Variants in PATJ observed in about 807,000 individuals in gnomAD.
The protein encoded by PATJ is inaD-like protein.
A neutral mutation model predicts 224.9 loss-of-function variants in PATJ; 190 were observed. That is an observed-to-expected ratio of 0.84 (90% CI 0.75 to 0.95). The LOEUF (loss-of-function observed/expected upper bound fraction) is 0.95, where lower values mean the gene tolerates loss of function less well. Ranked by LOEUF, PATJ falls within the 40% of genes least tolerant of loss-of-function variation. The pLI is 0.00. For synonymous variants in PATJ, 769 were observed against 820.3 expected, an observed-to-expected ratio of 0.94 and a Z score of 1.07; for missense variants, 2,121 against 2,270.3, an observed-to-expected ratio of 0.93 and a Z score of 1.34.
At chr1:61,968,803 T>C (rs1016780922) in intron 27 of PATJ, among the ~76,000 whole-genome samples, 16 of 152,056 alleles carry the variant, frequency 1.1e-4, no homozygotes, top group African/African-American at 3.9e-4. Flanking sequence ...AGTGAGAACA[T>C]GCAATGCCCA....
At chr1:61,877,903 T>C (rs1667558429) in intron 21 of PATJ, among the ~76,000 whole-genome samples, 1 of 152,170 alleles carries the variant, frequency 6.6e-6, no homozygotes, top group African/African-American at 2.4e-5. Context: ...CAGGACTCAA[T>C]CTTTTTCATG....
In PATJ at chr1:61,747,264, G is replaced by C. The variant is rs543259990; in HGVS notation, c.-36+4709G>C. Among the ~76,000 whole-genome samples the C allele has an allele frequency of 4.6e-5, 7 of 152,216 alleles. No homozygotes were observed. In the East Asian group the frequency reaches 1.2e-3, roughly 25 times the overall value. ...CTTATTTTAGGTTCCGGTGCAAATG[G>C]GGAGAAATTTAGTGCCTGTCAATAC... On this transcript the variant is annotated intron_variant, in intron 1 of 43. Transcript: ENST00000642238.
chr1:61,784,871 A>AT (rs920551319), intron 7 of PATJ, among the ~76,000 whole-genome samples: 9 of 152,278 alleles, frequency 5.9e-5, no homozygotes, highest in Admixed American at 5.2e-4. Flanking sequence ...TTTCATAACA[A>AT]TGTCCTCCTT....
intron 1 of PATJ, among the ~76,000 whole-genome samples, chr1:61,754,520 GTTT>G (rs548557219): frequency 0.012 from 1,152 of 94,432 alleles, 9 homozygotes; most frequent in Admixed American, 0.04. Context: ...TTTTTTGCAT[GTTT>G]TTTTTTTTTT....
At chr1:62,040,177 C>T (rs924312269) in intron 30 of PATJ, among the ~76,000 whole-genome samples, 2 of 149,272 alleles carry the variant, frequency 1.3e-5, no homozygotes, top group Non-Finnish European at 3.0e-5. Flanking sequence ...GGTGTGATCT[C>T]GGCTCTCTGC....
At chr1:61,954,601 T>C (rs1479384583) in intron 27 of PATJ, among the ~76,000 whole-genome samples, 1 of 152,212 alleles carries the variant, frequency 6.6e-6, no homozygotes, top group Admixed American at 6.5e-5. Flanking sequence ...AGTTACTTTC[T>C]TGCAGAGACT....
At chr1:61,991,473 C>T (rs1645061543) in intron 28 of PATJ, 2 of 984,766 alleles carry the variant, frequency 2.0e-6, no homozygotes, top group South Asian at 4.7e-5. Flanking sequence ...TTTACGATTT[C>T]CTCCTCAGAC....
intron 17 of PATJ, among the ~76,000 whole-genome samples, chr1:61,839,288 TA>T (rs1660705452): frequency 6.6e-6 from 1 of 152,134 alleles, no homozygotes; most frequent in South Asian, 2.1e-4. Context: ...TTTCATATCT[TA>T]AAAACTAAGC....
chr1:62,074,021 A>G (rs1356960262), intron 31 of PATJ, among the ~76,000 whole-genome samples: 3 of 151,830 alleles, frequency 2.0e-5, no homozygotes, highest in Admixed American at 2.0e-4. Flanking sequence ...CCAGATTTTC[A>G]TATCTGTGTA....
intron 33 of PATJ, among the ~76,000 whole-genome samples, chr1:62,102,171 C>A (rs1371897476): frequency 2.0e-5 from 3 of 147,772 alleles, no homozygotes; most frequent in African/African-American, 7.8e-5. Flanking sequence ...AAAGCGAGAC[C>A]CTGTCTCAAA....
rs557464862 is a variant in PATJ at position 62,161,331 on chromosome 1, C to CTTTTTTTTTTT, written c.*292_*302dup. 1 of 92,682 alleles carries CTTTTTTTTTTT rather than the reference C, an allele frequency of 1.1e-5. No homozygotes were observed. The highest frequency in any genetic ancestry group is 4.1e-5 in the African/African-American group (1 of 24,524). 5.7% of individuals were successfully genotyped at this position (92,682 alleles called of 1,614,324 possible). ...GCATTTAATTTCAGTGTTCCGATTT[C>CTTTTTTTTTTT]TTTTTTTTTTTTTTTTTTTTTTTTT... On this transcript the variant is annotated 3_prime_UTR_variant, in exon 44 of 44. Transcript: ENST00000642238.
At chr1:61,979,523 T>G (rs745379748) in intron 27 of PATJ, among the ~76,000 whole-genome samples, 28 of 151,918 alleles carry the variant, frequency 1.8e-4, no homozygotes, top group South Asian at 8.3e-4. Context: ...TGTGGTGGCG[T>G]GTACCTGTAA....
intron 35 of PATJ, among the ~76,000 whole-genome samples, chr1:62,115,432 A>G (rs1664347599): frequency 1.3e-5 from 2 of 152,062 alleles, no homozygotes; most frequent in South Asian, 4.2e-4. Flanking sequence ...GAGGAGTTCA[A>G]TATCAGTCTG....
At chr1:61,934,776 C>T (rs1404151173) in intron 27 of PATJ, among the ~76,000 whole-genome samples, 1 of 152,080 alleles carries the variant, frequency 6.6e-6, no homozygotes, top group Admixed American at 6.6e-5. Flanking sequence ...TTATACAAAC[C>T]TAGTATTTGG....
chr1:62,124,192 C>T (rs1190546924), intron 39 of PATJ, among the ~76,000 whole-genome samples: 1 of 152,098 alleles, frequency 6.6e-6, no homozygotes, highest in Non-Finnish European at 1.5e-5. Flanking sequence ...AAGTAATTCT[C>T]GTGCCTCAGC....
At chr1:62,039,070 C>T (rs1220705088) in intron 30 of PATJ, 3 of 852,774 alleles carry the variant, frequency 3.5e-6, no homozygotes, top group Non-Finnish European at 6.0e-6. Context: ...GATCCAGAAG[C>T]ATGATGGCTT....
At chr1:61,760,685 C>A (rs1287978997) in intron 1 of PATJ, among the ~76,000 whole-genome samples, 1 of 136,686 alleles carries the variant, frequency 7.3e-6, no homozygotes, top group Non-Finnish European at 1.6e-5. Context: ...GGCATGAGCT[C>A]AGCTCACTGC....
At chr1:61,854,621 A>G (rs1331010100) in intron 17 of PATJ, among the ~76,000 whole-genome samples, 4 of 152,198 alleles carry the variant, frequency 2.6e-5, no homozygotes, top group Admixed American at 2.6e-4. Flanking sequence ...TATGCCACAT[A>G]TACGCTGGGT....
intron 31 of PATJ, among the ~76,000 whole-genome samples, chr1:62,059,839 A>C (rs957946097): frequency 2.0e-5 from 3 of 152,118 alleles, no homozygotes; most frequent in Non-Finnish European, 4.4e-5. Context: ...CATATACAGG[A>C]GTCAGAATGG....
Sources: gnomAD v4.1 joint callset for allele counts (sites outside exome capture counted in the v4.1 genomes callset) on GRCh38, gnomAD v4.1.1 for gene constraint, MANE v1.5 for transcripts, NCBI Gene and HGNC (gene_info 2026-07-23, HGNC 2026-07-21) for gene names.